FANCL: variants seen among roughly 807,000 people sequenced by gnomAD.
FANCL encodes E3 ubiquitin-protein ligase FANCL.
A neutral mutation model predicts 59.4 loss-of-function variants in FANCL; 69 were observed. That is an observed-to-expected ratio of 1.16 (90% CI 0.96 to 1.42). The LOEUF is 1.42. FANCL is among the 40% of genes most tolerant of loss of function. FANCL has a pLI of 0.00. For synonymous variants in FANCL, 180 were observed against 147.1 expected, an observed-to-expected ratio of 1.22 and a Z score of -1.62; for missense variants, 519 against 447.2, an observed-to-expected ratio of 1.16 and a Z score of -1.45.
At position 58,222,644 on chromosome 2, in the gene FANCL, A is replaced by G. The variant is rs137870886; in HGVS notation, c.274-602T>C. ...TGCTAGGCCTATCTATGAAGGCTTT[A>G]AAATGTTTATGTTCTCCCAACCAAA... On this transcript the variant is annotated intron_variant, in intron 4 of 13. Transcript: ENST00000233741. 2.7e-3 allele frequency among the ~76,000 whole-genome samples: 415 copies of G among 152,158 alleles called. 1 individual carries two copies. The highest frequency in any genetic ancestry group is 9.6e-3 in the African/African-American group (400 of 41,564).
intron 4 of FANCL, among the ~76,000 whole-genome samples, chr2:58,222,706 A>T (rs1382207958): frequency 1.3e-5 from 2 of 152,070 alleles, no homozygotes; most frequent in Non-Finnish European, 1.5e-5. Context: ...ACATCACTAG[A>T]ATTGCTGAAG....
intron 1 of FANCL, among the ~76,000 whole-genome samples, chr2:58,240,515 T>C (rs779117531): frequency 7.2e-5 from 11 of 152,246 alleles, no homozygotes; most frequent in Non-Finnish European, 1.5e-4. Flanking sequence ...CCTTGATTTC[T>C]TCAACTAGAA....
At chr2:58,188,974 G>T (rs929349313) in intron 7 of FANCL, among the ~76,000 whole-genome samples, 6 of 152,108 alleles carry the variant, frequency 3.9e-5, no homozygotes, top group African/African-American at 1.4e-4. Flanking sequence ...GAATCTCCAA[G>T]TAATTCTGCC....
intron 7 of FANCL, among the ~76,000 whole-genome samples, chr2:58,198,053 G>T (rs1689609356): frequency 6.6e-6 from 1 of 151,710 alleles, no homozygotes; most frequent in African/African-American, 2.4e-5. Context: ...GTGCGTGTGT[G>T]TGTGTGTATT....
chr2:58,233,720 G>A (rs1693776119), intron 1 of FANCL, among the ~76,000 whole-genome samples: 1 of 151,880 alleles, frequency 6.6e-6, no homozygotes, highest in East Asian at 1.9e-4. Context: ...GAGAGAGACT[G>A]GGAGGACTAA....
At chr2:58,239,008 T>C (rs1326423191) in intron 1 of FANCL, among the ~76,000 whole-genome samples, 1 of 152,178 alleles carries the variant, frequency 6.6e-6, no homozygotes, top group Non-Finnish European at 1.5e-5. Flanking sequence ...CATGCATCCA[T>C]TCTAATATAA....
chr2:58,221,293 A>C (rs189251993), intron 5 of FANCL, among the ~76,000 whole-genome samples: 3 of 152,328 alleles, frequency 2.0e-5, no homozygotes, highest in African/African-American at 7.2e-5. Context: ...AATGTTTCAA[A>C]GTATCCACAC....
chr2:58,173,305 G>C (rs1012978320), intron 7 of FANCL, among the ~76,000 whole-genome samples: 2 of 151,884 alleles, frequency 1.3e-5, no homozygotes, highest in African/African-American at 4.8e-5. Context: ...AGATACTCTC[G>C]AGAAGAGCAA....
chr2:58,176,957 A>G (rs1687389522), intron 7 of FANCL, among the ~76,000 whole-genome samples: 1 of 152,186 alleles, frequency 6.6e-6, no homozygotes, highest in Admixed American at 6.5e-5. Context: ...AACCCCATCA[A>G]AAAGTGGGCA....
At chr2:58,230,507 T>C (rs1426809969) in intron 2 of FANCL, among the ~76,000 whole-genome samples, 1 of 152,150 alleles carries the variant, frequency 6.6e-6, no homozygotes, top group African/African-American at 2.4e-5. Context: ...TAAGAAGTGA[T>C]AAGTTAATGT....
chr2:58,166,069 C>T (rs1685922203), intron 7 of FANCL, among the ~76,000 whole-genome samples, 195 bp from the exon 8 acceptor site: 1 of 152,138 alleles, frequency 6.6e-6, no homozygotes. Context: ...TTTTTATTGA[C>T]AGTAGACTAT....
rs1289036448 is a variant in FANCL, at chr2:58,241,321, A to T, written c.-8T>A. The T allele has an allele frequency of 6.2e-7, 1 of 1,613,886 alleles. No individual in the cohort carries two copies. Among genetic ancestry groups the T allele is most frequent in the Non-Finnish European group, 8.5e-7 (1 of 1,179,916 alleles). Reference sequence around the variant, plus strand: ...CGCTTCCGTCACCGCCATGGCTCGAAGTCCGGAGAAACACAGAAAAGCTCT... The same window carrying T: ...CGCTTCCGTCACCGCCATGGCTCGATGTCCGGAGAAACACAGAAAAGCTCT... On this transcript the variant is annotated 5_prime_UTR_variant, in exon 1 of 14. Transcript: ENST00000233741.
chr2:58,217,237 CACACACAT>C (rs1279882744), intron 5 of FANCL, among the ~76,000 whole-genome samples: 11 of 72,354 alleles, frequency 1.5e-4, no homozygotes, highest in Non-Finnish European at 2.4e-4. Context: ...CACACACACA[CACACACAT>C]ATATATGTTT....
intron 7 of FANCL, among the ~76,000 whole-genome samples, chr2:58,181,573 G>A (rs1687942778): frequency 6.6e-6 from 1 of 152,072 alleles, no homozygotes; most frequent in Non-Finnish European, 1.5e-5. Context: ...TTTGAAGAAA[G>A]TATTCAGATA....
chr2:58,160,292 A>G (rs1401842418), intron 12 of FANCL, 113 bp from the exon 13 acceptor site: 4 of 1,132,662 alleles, frequency 3.5e-6, no homozygotes, highest in Non-Finnish European at 5.3e-6. Flanking sequence ...CAGAAGACTT[A>G]GCTTAATTTT....
At chr2:58,187,493 C>T (rs1688521106) in intron 7 of FANCL, among the ~76,000 whole-genome samples, 1 of 151,822 alleles carries the variant, frequency 6.6e-6, no homozygotes, top group Admixed American at 6.6e-5. Flanking sequence ...AGCAGCAAAC[C>T]AACATGGCCC....
intron 5 of FANCL, among the ~76,000 whole-genome samples, chr2:58,213,028 G>A (rs1691335634): frequency 6.6e-6 from 1 of 152,228 alleles, no homozygotes; most frequent in East Asian, 1.9e-4. Flanking sequence ...TACCAAATAT[G>A]TAATTTAAAA....
chr2:58,198,044 T>C (rs1028309861), intron 7 of FANCL, among the ~76,000 whole-genome samples: 5 of 147,732 alleles, frequency 3.4e-5, no homozygotes, highest in East Asian at 3.9e-4. Context: ...TGTGTGTGTG[T>C]GCGTGTGTGT....
intron 5 of FANCL, among the ~76,000 whole-genome samples, chr2:58,206,604 A>T (rs1486207333): frequency 1.3e-5 from 2 of 152,178 alleles, no homozygotes; most frequent in African/African-American, 4.8e-5. Context: ...ATAACACAGA[A>T]ATAAAAGCTC....
Sources: gnomAD v4.1 joint callset for allele counts (sites outside exome capture counted in the v4.1 genomes callset) on GRCh38, gnomAD v4.1.1 for gene constraint, MANE v1.5 for transcripts, NCBI Gene and HGNC (gene_info 2026-07-23, HGNC 2026-07-21) for gene names.